Variants in CHSY3 observed in about 807,000 individuals in gnomAD.
CHSY3 encodes the protein N-acetylgalactosaminyl-proteoglycan 3-beta-glucuronosyltransferase 3.
Under a neutral mutation model 67.2 loss-of-function variants are expected in CHSY3, and 35 were observed. The ratio of observed to expected loss-of-function variants is 0.52; its 90% confidence interval spans 0.40 to 0.69. The LOEUF is 0.69. Among genes scored for constraint, CHSY3 ranks in the 30% least tolerant of loss-of-function variants. The pLI is 0.00. For synonymous variants in CHSY3, 474 were observed against 434.7 expected (o/e 1.09, Z -1.12); for missense variants, 1,069 against 1,138.5 (o/e 0.94, Z 0.88).
chr5:130,082,016 T>A (rs1482685361), intron 2 of CHSY3, among the ~76,000 whole-genome samples: 1 of 152,056 alleles, frequency 6.6e-6, no homozygotes, highest in East Asian at 1.9e-4. Flanking sequence ...TAAAAGTAAA[T>A]CCTAAAGACA....
intron 2 of CHSY3, among the ~76,000 whole-genome samples, chr5:129,909,110 T>A (rs911249174): frequency 2.0e-5 from 3 of 152,154 alleles, no homozygotes; most frequent in African/African-American, 7.2e-5. Context: ...TGATCATTTT[T>A]ATGAAATACT....
At chr5:130,017,621 TCTCA>T (rs1764252596) in intron 2 of CHSY3, among the ~76,000 whole-genome samples, 1 of 152,178 alleles carries the variant, frequency 6.6e-6, no homozygotes, top group Non-Finnish European at 1.5e-5. Context: ...TTTGAGGAAA[TCTCA>T]CTCCATATTC....
At position 129,904,769 on chromosome 5, in the gene CHSY3, C is replaced by A. The variant is rs150855250; in HGVS notation, c.-61C>A. 801 of 1,300,564 alleles carry A rather than the reference C, an allele frequency of 6.2e-4. 6 individuals carry two copies. The East Asian group carries it at 0.016, about 26-fold the overall frequency. The allele number at this position is 1,300,564 out of a possible 1,614,324, so 80.6% of individuals were successfully genotyped here. A position where few individuals can be genotyped will look rare whatever the true frequency, so the allele number is the denominator to read the frequency against. On this transcript the variant is annotated 5_prime_UTR_variant, in exon 1 of 3. Coordinates refer to ENST00000305031, the MANE Select transcript of CHSY3 (RefSeq NM_175856.5). ...AGGCGGAGGAGGGGCGGGTGTGAGC[C>A]GGGGAAACCGCGTGCCGCGCCGCGA...
At position 129,904,786 on chromosome 5, in the gene CHSY3, G is replaced by A. The variant is rs1314356654; in HGVS notation, c.-44G>A. 3.8e-6 allele frequency: 5 copies of A among 1,310,504 alleles called. No individual in the cohort carries two copies. Among genetic ancestry groups the A allele is most frequent in the Non-Finnish European group, 2.9e-6 (3 of 1,030,680 alleles). 81.2% of individuals were successfully genotyped at this position (1,310,504 alleles called of 1,614,324 possible). On this transcript the variant is annotated 5_prime_UTR_variant, in exon 1 of 3. Coordinates refer to ENST00000305031, the MANE Select transcript of CHSY3 (RefSeq NM_175856.5). ...GTGTGAGCCGGGGAAACCGCGTGCC[G>A]CGCCGCGACAGCCCAGCGAGCGTCC...
chr5:130,070,384 C>T (rs1766020318), intron 2 of CHSY3, among the ~76,000 whole-genome samples: 1 of 152,032 alleles, frequency 6.6e-6, no homozygotes, highest in South Asian at 2.1e-4. Flanking sequence ...ATCTGGTTTT[C>T]AGACCAAAAC....
intron 2 of CHSY3, among the ~76,000 whole-genome samples, chr5:130,149,254 T>C (rs1019791055): frequency 1.3e-5 from 2 of 152,202 alleles, no homozygotes; most frequent in Non-Finnish European, 2.9e-5. Flanking sequence ...TGCATTGCTA[T>C]AAATAAATAC....
chr5:129,950,675 G>C (rs920024558), intron 2 of CHSY3, among the ~76,000 whole-genome samples: 3 of 152,112 alleles, frequency 2.0e-5, no homozygotes, highest in Admixed American at 1.3e-4. Flanking sequence ...ATTTATGATA[G>C]TATGAGAAAA....
intron 2 of CHSY3, among the ~76,000 whole-genome samples, chr5:130,160,373 A>G (rs1046943795): frequency 6.6e-6 from 1 of 152,084 alleles, no homozygotes; most frequent in African/African-American, 2.4e-5. Flanking sequence ...CCCCCTTACT[A>G]TAACATGGGA....
intron 2 of CHSY3, among the ~76,000 whole-genome samples, chr5:130,048,653 C>A (rs1183981667): frequency 6.6e-6 from 1 of 151,918 alleles, no homozygotes; most frequent in African/African-American, 2.4e-5. Flanking sequence ...TCTCTCTGCC[C>A]CCTGCCTGCA....
At chr5:130,140,719 T>C (rs1768836373) in intron 2 of CHSY3, 2 of 285,190 alleles carry the variant, frequency 7.0e-6, no homozygotes, top group Non-Finnish European at 1.3e-5. Flanking sequence ...AAGACTTTGA[T>C]AACTGAATGG....
At chr5:129,915,815 A>G (rs1325354382) in intron 2 of CHSY3, among the ~76,000 whole-genome samples, 1 of 152,192 alleles carries the variant, frequency 6.6e-6, no homozygotes, top group Admixed American at 6.5e-5. Flanking sequence ...AACCATAAAA[A>G]TACATGTTGG....
At chr5:130,174,905 C>T (rs977570339) in intron 2 of CHSY3, among the ~76,000 whole-genome samples, 3 of 152,076 alleles carry the variant, frequency 2.0e-5, no homozygotes, top group Non-Finnish European at 2.9e-5. Flanking sequence ...CTAAGCACTT[C>T]GTTGCAATGC....
chr5:130,065,476 G>A (rs1208114476), intron 2 of CHSY3, among the ~76,000 whole-genome samples: 3 of 152,042 alleles, frequency 2.0e-5, no homozygotes, highest in Non-Finnish European at 4.4e-5. Context: ...AAATGAGGTT[G>A]CTTCTCGGAA....
chr5:130,041,361 C>G (rs894208064), intron 2 of CHSY3, among the ~76,000 whole-genome samples: 3 of 152,082 alleles, frequency 2.0e-5, no homozygotes, highest in Non-Finnish European at 4.4e-5. Context: ...AGTGCTAACT[C>G]AGTAAGACAT....
At chr5:130,045,306 C>T (rs1765113940) in intron 2 of CHSY3, among the ~76,000 whole-genome samples, 1 of 152,056 alleles carries the variant, frequency 6.6e-6, no homozygotes, top group South Asian at 2.1e-4. Flanking sequence ...ATGATGTGCT[C>T]AGGGTACATT....
intron 2 of CHSY3, among the ~76,000 whole-genome samples, chr5:130,108,471 C>T (rs1767483222): frequency 6.6e-6 from 1 of 151,534 alleles, no homozygotes; most frequent in South Asian, 2.1e-4. Flanking sequence ...TTGCCATTTA[C>T]CTAAGATTGA....
chr5:129,991,569 G>A (rs1446600621), intron 2 of CHSY3, among the ~76,000 whole-genome samples: 1 of 152,136 alleles, frequency 6.6e-6, no homozygotes, highest in Admixed American at 6.6e-5. Flanking sequence ...GTTGAGGTCT[G>A]ATTAACAAGC....
chr5:130,136,943 A>C (rs1488705839), intron 2 of CHSY3, among the ~76,000 whole-genome samples: 1 of 152,180 alleles, frequency 6.6e-6, no homozygotes, highest in Non-Finnish European at 1.5e-5. Flanking sequence ...ATAAGACTTA[A>C]AAGGCCTCAT....
chr5:129,921,867 GTTAT>G (rs1353245276), intron 2 of CHSY3, among the ~76,000 whole-genome samples: 1 of 151,838 alleles, frequency 6.6e-6, no homozygotes, highest in Admixed American at 6.6e-5. Flanking sequence ...CACTGTTTCG[GTTAT>G]TTTAAAATAT....
Sources: gnomAD v4.1 joint callset for allele counts (sites outside exome capture counted in the v4.1 genomes callset) on GRCh38, gnomAD v4.1.1 for gene constraint, MANE v1.5 for transcripts, NCBI Gene and HGNC (gene_info 2026-07-23, HGNC 2026-07-21) for gene names.